Variants in ASTN2 observed in about 807,000 individuals in gnomAD.
ASTN2 encodes astrotactin-2.
In ASTN2, 54 loss-of-function variants were observed where a neutral mutation model predicts 139.8. The observed-to-expected ratio is 0.39, with a 90% CI of 0.31 to 0.48. The LOEUF (loss-of-function observed/expected upper bound fraction) is 0.48. ASTN2 is among the 20% of genes least tolerant of loss of function. The pLI, the probability that ASTN2 is intolerant of heterozygous loss-of-function variation, is 0.95. For synonymous variants in ASTN2, 756 were observed against 719.5 expected (o/e 1.05, Z -0.81); for missense variants, 1,565 against 1,725.1 (o/e 0.91, Z 1.64).
In ASTN2 at chr9:116,888,272, G is replaced by GA. The variant is rs1211704522; in HGVS notation, c.1890-24540dup. 5.9e-5 allele frequency among the ~76,000 whole-genome samples: 9 copies of GA among 151,488 alleles called. No individual in the cohort carries two copies. The South Asian group carries it at 1.5e-3, about 25-fold the overall frequency. On this transcript the variant is annotated intron_variant, in intron 10 of 22. Transcript: ENST00000313400. ...GTGACACAATGAGACCTTGTCTCAAGAAAAAAAACCAAAAATCAAATGTAT... is the reference window on the plus strand; with the variant it reads ...GTGACACAATGAGACCTTGTCTCAAGAAAAAAAAACCAAAAATCAAATGTAT...
At chr9:116,530,152 A>ATATATATAT (rs1564345877) in intron 19 of ASTN2, among the ~76,000 whole-genome samples, 1 of 25,320 alleles carries the variant, frequency 3.9e-5, no homozygotes, top group Non-Finnish European at 7.9e-5. Flanking sequence ...TATATATATA[A>ATATATATAT]AATAGAATAT....
At chr9:116,784,512 A>G (rs1588290529) in intron 13 of ASTN2, among the ~76,000 whole-genome samples, 1 of 152,344 alleles carries the variant, frequency 6.6e-6, no homozygotes, top group Non-Finnish European at 1.5e-5. Flanking sequence ...CTGTGTTGTT[A>G]GTTAACTTTA....
At chr9:116,867,042 G>A (rs1833030171) in intron 10 of ASTN2, among the ~76,000 whole-genome samples, 1 of 152,030 alleles carries the variant, frequency 6.6e-6, no homozygotes, top group East Asian at 1.9e-4. Context: ...GGATCTAAAA[G>A]GTATAGATGG....
At chr9:116,814,144 T>C (rs1831245835) in intron 12 of ASTN2, among the ~76,000 whole-genome samples, 1 of 151,782 alleles carries the variant, frequency 6.6e-6, no homozygotes, top group Non-Finnish European at 1.5e-5. Flanking sequence ...TAAATCTAAG[T>C]ATCCTATTAC....
intron 3 of ASTN2, among the ~76,000 whole-genome samples, chr9:117,165,473 T>C (rs887821148): frequency 7.2e-5 from 11 of 152,058 alleles, no homozygotes; most frequent in African/African-American, 2.7e-4. Context: ...CAGATTGAAG[T>C]GATTCCCATA....
intron 11 of ASTN2, among the ~76,000 whole-genome samples, chr9:116,847,007 C>CAAAAAAAAAAAAAAAAAAAAAAAAA (rs11302692): frequency 2.6e-5 from 2 of 75,878 alleles, no homozygotes; most frequent in Non-Finnish European, 5.1e-5. Flanking sequence ...GCTTCATTCT[C>CAAAAAAAAAAAAAAAAAAAAAAAAA]AAAAAAAAAA....
intron 1 of ASTN2, among the ~76,000 whole-genome samples, chr9:117,379,358 A>G (rs1830206077): frequency 6.6e-6 from 1 of 152,082 alleles, no homozygotes; most frequent in Non-Finnish European, 1.5e-5. Context: ...GAGAGTTACT[A>G]AACTACCACC....
At chr9:116,822,193 CA>C (rs373782056) in intron 11 of ASTN2, among the ~76,000 whole-genome samples, 129 of 50,834 alleles carry the variant, frequency 2.5e-3, no homozygotes, top group African/African-American at 6.1e-3. Flanking sequence ...ACCACAATAA[CA>C]AAAAAAAAAA....
intron 4 of ASTN2, among the ~76,000 whole-genome samples, chr9:117,125,340 G>A (rs1829659897): frequency 6.6e-6 from 1 of 151,902 alleles, no homozygotes; most frequent in Non-Finnish European, 1.5e-5. Context: ...ATGTATCCAG[G>A]GCACCTCAAT....
intron 3 of ASTN2, among the ~76,000 whole-genome samples, chr9:117,160,415 AAAGGCCACTGGAGG>A (rs1419118049): frequency 3.7e-5 from 2 of 54,262 alleles, no homozygotes; most frequent in East Asian, 6.8e-4. Context: ...ATCTCCCTAA[AAAGGCCACTGGAGG>A]GTAATCACAA....
At chr9:117,371,981 C>T (rs186539873) in intron 1 of ASTN2, among the ~76,000 whole-genome samples, 18 of 152,206 alleles carry the variant, frequency 1.2e-4, no homozygotes, top group Admixed American at 5.2e-4. Context: ...AGCATTCACC[C>T]GAAAGGAGCT....
chr9:117,388,641 G>A (rs954299239), intron 1 of ASTN2, among the ~76,000 whole-genome samples: 1 of 152,152 alleles, frequency 6.6e-6, no homozygotes, highest in African/African-American at 2.4e-5. Flanking sequence ...TGGATGGCTT[G>A]GTTAGGGTGC....
At chr9:116,566,423 ATC>A (rs1225181292) in intron 19 of ASTN2, among the ~76,000 whole-genome samples, 1 of 152,156 alleles carries the variant, frequency 6.6e-6, no homozygotes, top group African/African-American at 2.4e-5. Flanking sequence ...TCCTGAATAT[ATC>A]TGTTTACTTG....
intron 10 of ASTN2, among the ~76,000 whole-genome samples, chr9:116,966,916 A>G (rs1836027021): frequency 6.6e-6 from 1 of 152,206 alleles, no homozygotes; most frequent in Non-Finnish European, 1.5e-5. Flanking sequence ...CATCTTACAG[A>G]GAATGCCCCT....
chr9:116,846,121 A>G (rs987300305), intron 11 of ASTN2, among the ~76,000 whole-genome samples: 3 of 152,204 alleles, frequency 2.0e-5, no homozygotes, highest in African/African-American at 7.2e-5. Flanking sequence ...CAAATACTAT[A>G]TGACTCTATT....
At chr9:117,161,109 A>G (rs1372679240) in intron 3 of ASTN2, among the ~76,000 whole-genome samples, 1 of 152,088 alleles carries the variant, frequency 6.6e-6, no homozygotes, top group Non-Finnish European at 1.5e-5. Context: ...CTGCCAGAAT[A>G]TCTCAAGTCT....
intron 10 of ASTN2, among the ~76,000 whole-genome samples, chr9:116,938,593 C>T (rs1347264921): frequency 6.6e-6 from 1 of 152,154 alleles, no homozygotes; most frequent in Non-Finnish European, 1.5e-5. Context: ...TGATTTCAGG[C>T]CTTTATCCAA....
intron 22 of ASTN2, among the ~76,000 whole-genome samples, chr9:116,436,361 G>A (rs927126555): frequency 3.3e-5 from 5 of 152,102 alleles, no homozygotes; most frequent in Non-Finnish European, 7.4e-5. Flanking sequence ...CCCAGCAGGT[G>A]GGACTCCAGG....
chr9:117,134,287 TATATATATAC>T (rs1399074330), intron 4 of ASTN2, among the ~76,000 whole-genome samples: 390 of 81,988 alleles, frequency 4.8e-3, no homozygotes, highest in East Asian at 0.021. Context: ...TATATATATA[TATATATATAC>T]ACACACACAC....
Sources: allele counts gnomAD v4.1 joint callset (sites outside exome capture counted in the v4.1 genomes callset), GRCh38; gene constraint gnomAD v4.1.1; transcripts MANE v1.5; gene names NCBI Gene and HGNC (gene_info 2026-07-23, HGNC 2026-07-21).